Variants in SLC3A1 observed in about 807,000 individuals in gnomAD.
SLC3A1 encodes solute carrier family 3 member 1.
SLC3A1 carries 78 observed loss-of-function variants against 60.3 expected under a neutral mutation model. The ratio of observed to expected loss-of-function variants is 1.29; its 90% CI spans 1.08 to 1.56. The LOEUF (loss-of-function observed/expected upper bound fraction) is 1.56. Among genes scored for constraint, SLC3A1 ranks in the 40% most tolerant of loss-of-function variants. The pLI is 0.00. For missense variants in SLC3A1, 1,172 were observed against 858.9 expected (o/e 1.36, Z -4.56); for synonymous variants, 392 against 307.9 (o/e 1.27, Z -2.86).
rs1313555896 is a variant in SLC3A1 at position 44,275,598 on chromosome 2, C to G, written c.63C>G (p.Asn21Lys). The G allele has an allele frequency of 1.2e-6, 2 of 1,614,166 alleles. No individual in the cohort carries two copies. The highest frequency in any genetic ancestry group is 2.2e-5 in the East Asian group (1 of 44,880). ...TGAGTATGAAGGGATGCCAGACAAA[C>G]AACGGGTTTGTCCATAATGAAGACA... is the stretch of plus-strand genomic sequence containing the variant. ...IEMSMKGCQT[N>K]NGFVHNEDIL... The change falls in exon 1 of 10, where the codon AAC becomes AAG. Residue 21 changes from asparagine to lysine, a missense_variant. Asn to Lys is a moderately conservative substitution (Grantham distance 94, BLOSUM62 0). Transcript: ENST00000260649.
chr2:44,320,765 G>T lies in SLC3A1; in HGVS notation c.*126G>T, dbSNP rs1175026431. Reference sequence around the variant, plus strand: ...TCTTCGATATTTCTGTAGCTTGAATGTAACTGCTTTAAGAAAGGTTCTCAA... The same window carrying T: ...TCTTCGATATTTCTGTAGCTTGAATTTAACTGCTTTAAGAAAGGTTCTCAA... On this transcript the variant is annotated 3_prime_UTR_variant, in exon 10 of 10. Transcript: ENST00000260649. The T allele has an allele frequency of 6.1e-6, 5 of 817,446 alleles. No homozygotes were observed. The African/African-American group carries it at 8.5e-5, about 14-fold the overall frequency. The allele number at this position is 817,446 out of a possible 1,614,324, so 50.6% of individuals were successfully genotyped here.
chr2:44,290,442 T>C (rs947010845), intron 4 of SLC3A1, among the ~76,000 whole-genome samples: 5 of 152,190 alleles, frequency 3.3e-5, no homozygotes, highest in Non-Finnish European at 1.5e-5. Context: ...AATTTCTGAG[T>C]CAGCTTGACA....
chr2:44,298,831 G>A (rs1371403540), intron 4 of SLC3A1, among the ~76,000 whole-genome samples: 2 of 152,140 alleles, frequency 1.3e-5, no homozygotes, highest in Non-Finnish European at 2.9e-5. Flanking sequence ...CTAGCAAGGT[G>A]TGTTGGAAGA....
At chr2:44,313,725 C>T in intron 8 of SLC3A1, 110 bp from the exon 9 acceptor site, 1 of 938,364 alleles carries the variant, frequency 1.1e-6, no homozygotes, top group Non-Finnish European at 1.8e-6. Flanking sequence ...TGAGTACAAA[C>T]ACTAGCTAAG....
intron 2 of SLC3A1, 62 bp from the exon 3 acceptor site, chr2:44,281,325 C>A: frequency 7.0e-7 from 1 of 1,432,910 alleles, no homozygotes; most frequent in Middle Eastern, 2.0e-4. Flanking sequence ...CTGTGCCTGG[C>A]CTGTCATATG....
intron 1 of SLC3A1, among the ~76,000 whole-genome samples, chr2:44,277,682 A>G (rs1171809616): frequency 6.6e-6 from 1 of 152,198 alleles, no homozygotes; most frequent in Admixed American, 6.5e-5. Flanking sequence ...CTCTGACTGC[A>G]TAGACCTAAA....
rs947089320 is a variant in SLC3A1, at chr2:44,304,284, G to C, written c.1278G>C (p.Glu426Asp). The change falls in exon 7 of 10, where the codon GAG becomes GAC. Residue 426 changes from glutamate to aspartate, a missense_variant. Physicochemically the swap from Glu to Asp is conservative, Grantham distance 45. Coordinates refer to ENST00000260649, the MANE Select transcript of SLC3A1 (RefSeq NM_000341.4). ...LDTVSGNSVY[E>D]VITSWMENMP... ...CTGTTTCTGGGAACAGCGTGTATGAGGTTATCACATCCTGGATGGAAAACA... is the reference window on the plus strand; with the variant it reads ...CTGTTTCTGGGAACAGCGTGTATGACGTTATCACATCCTGGATGGAAAACA... The C allele has an allele frequency of 3.1e-6, 5 of 1,614,048 alleles. No individual in the cohort carries two copies. In the African/African-American group the frequency reaches 6.7e-5, roughly 22 times the overall value.
At chr2:44,301,674 G>T (rs1672013291) in intron 6 of SLC3A1, among the ~76,000 whole-genome samples, 1 of 143,996 alleles carries the variant, frequency 6.9e-6, no homozygotes, top group Non-Finnish European at 1.5e-5. Context: ...GGGAAGCAGA[G>T]GTTGCAGCGA....
In SLC3A1 at chr2:44,275,775, C is replaced by T; in HGVS notation, c.240C>T (p.Ala80=). The T allele has an allele frequency of 1.2e-6, 2 of 1,614,240 alleles. No individual in the cohort carries two copies. The highest frequency in any genetic ancestry group is 1.7e-6 in the Non-Finnish European group (2 of 1,180,044). The part of the protein sequence containing the change: ...KEVLFQFSGQ[A]RYRIPREILF... ...TGCTGTTCCAGTTCTCTGGCCAGGC[C>T]CGCTACCGCATACCTCGGGAGATCC... is the stretch of plus-strand genomic sequence containing the variant. The change falls in exon 1 of 10, where the codon GCC becomes GCT. Residue 80 remains alanine (A), a synonymous_variant. Transcript: ENST00000260649.
rs1256233298 is a variant in SLC3A1 at position 44,300,226 on chromosome 2, T to C, written c.1011+136T>C. 1.3e-5 allele frequency: 12 copies of C among 902,060 alleles called. No homozygotes were observed. In the East Asian group the frequency reaches 2.9e-4, roughly 22 times the overall value. 55.9% of individuals were successfully genotyped at this position (902,060 alleles called of 1,614,324 possible). ...TAGCAAGTACCCTGATTTATTTCTT[T>C]AGGAAATGTGCAAGAGTTTGAAATG... On this transcript the variant is annotated intron_variant, in intron 5 of 9. Coordinates refer to ENST00000260649, the MANE Select transcript of SLC3A1 (RefSeq NM_000341.4).
chr2:44,306,086 C>G (rs780046746), intron 7 of SLC3A1, among the ~76,000 whole-genome samples: 9 of 152,174 alleles, frequency 5.9e-5, no homozygotes, highest in Admixed American at 2.6e-4. Flanking sequence ...GTTACTGGTG[C>G]TGTTGTTATT....
intron 7 of SLC3A1, among the ~76,000 whole-genome samples, chr2:44,308,321 G>T (rs1052921105): frequency 2.0e-5 from 3 of 152,158 alleles, no homozygotes; most frequent in African/African-American, 7.2e-5. Context: ...TGTTTTAGCT[G>T]TTCTGGGTAC....
At chr2:44,317,067 A>G (rs1286531784) in intron 9 of SLC3A1, among the ~76,000 whole-genome samples, 1 of 152,158 alleles carries the variant, frequency 6.6e-6, no homozygotes, top group Non-Finnish European at 1.5e-5. Context: ...GAGCAAGCAA[A>G]TGAGAGAGCA....
intron 3 of SLC3A1, chr2:44,285,373 T>C (rs1671588809): frequency 4.3e-6 from 1 of 234,186 alleles, no homozygotes. Flanking sequence ...CAGAGCCCCA[T>C]GAAACTCTCA....
intron 4 of SLC3A1, among the ~76,000 whole-genome samples, chr2:44,288,908 C>G (rs1671676468): frequency 6.6e-6 from 1 of 152,058 alleles, no homozygotes; most frequent in South Asian, 2.1e-4. Flanking sequence ...AGTCTCGGCT[C>G]ACTGCAACCC....
At chr2:44,321,524 C>T, downstream of SLC3A1, 1 of 1,545,824 alleles carries the variant, frequency 6.5e-7, no homozygotes. Context: ...CTTTATCTAT[C>T]CATCTTTACC....
At position 44,321,396 on chromosome 2, in the gene SLC3A1, G is replaced by C. The variant is rs781553608; in HGVS notation, c.*757G>C. 1 of 1,612,766 alleles carries C rather than the reference G, an allele frequency of 6.2e-7. No individual in the cohort carries two copies. The highest frequency in any genetic ancestry group is 8.5e-7 in the Non-Finnish European group (1 of 1,179,046). On this transcript the variant is annotated 3_prime_UTR_variant, in exon 10 of 10. Transcript: ENST00000260649. ...TTTCTTAAGATCCTCGAAAACACTGGTGCTGTCAAGTCCAAGTTCCTCGTA... is the reference window on the plus strand; with the variant it reads ...TTTCTTAAGATCCTCGAAAACACTGCTGCTGTCAAGTCCAAGTTCCTCGTA...
Position 44,301,500 on chromosome 2 carries a change from G to T in SLC3A1, c.1136+373G>T, listed in dbSNP as rs903961382. 3.3e-5 allele frequency: 13 copies of T among 394,478 alleles called. No homozygotes were observed. The Admixed American group carries it at 4.2e-4, about 13-fold the overall frequency. The allele number at this position is 394,478 out of a possible 1,614,324, so 24.4% of individuals were successfully genotyped here. On this transcript the variant is annotated intron_variant, in intron 6 of 9. Transcript: ENST00000260649. ...TCACGCCTGTAAACCCAGCACTGTA[G>T]GAGGCCAAGGCAGGCGGATCACGAG...
At position 44,301,051 on chromosome 2, in the gene SLC3A1, C is replaced by G; in HGVS notation, c.1060C>G (p.Gln354Glu). 1.9e-6 allele frequency: 3 copies of G among 1,614,070 alleles called. No individual in the cohort carries two copies. Among genetic ancestry groups the G allele is most frequent in the South Asian group, 2.2e-5 (2 of 91,080 alleles). ...GCTGTACCATGACTTCACCACCACG[C>G]AGGTGGGAATGCACGACATTGTCCG... ...SELYHDFTTT[Q>E]VGMHDIVRSF... The change falls in exon 6 of 10, where the codon CAG becomes GAG. Residue 354 changes from glutamine to glutamate, a missense_variant. Gln to Glu is a conservative substitution (Grantham distance 29). Coordinates refer to ENST00000260649, the MANE Select transcript of SLC3A1 (RefSeq NM_000341.4).
Sources: gnomAD v4.1 joint callset for allele counts (sites outside exome capture counted in the v4.1 genomes callset) on GRCh38, gnomAD v4.1.1 for gene constraint, MANE v1.5 for transcripts, NCBI Gene and HGNC (gene_info 2026-07-23, HGNC 2026-07-21) for gene names.